The following RGS6 variants were observed in gnomAD, a reference collection of about 807,000 sequenced individuals.
The protein encoded by RGS6 is regulator of G protein signaling 6.
In RGS6, 30 loss-of-function variants were observed where a neutral mutation model predicts 78.5. The ratio of observed to expected loss-of-function variants is 0.38; its 90% CI spans 0.29 to 0.52. The LOEUF (loss-of-function observed/expected upper bound fraction) is 0.52, where lower values mean the gene tolerates loss of function less well. Ranked by LOEUF, RGS6 falls within the 20% of genes least tolerant of loss-of-function variation. The pLI, the probability that RGS6 is intolerant of heterozygous loss-of-function variation, is 0.85. For missense variants in RGS6, 495 were observed against 609.7 expected (o/e 0.81, Z 1.98); for synonymous variants, 206 against 206.0 (o/e 1.00, Z 0.00).
chr14:71,907,406 G>T, the RGS6 span, among the ~76,000 whole-genome samples: 204 of 152,254 alleles, frequency 1.3e-3, no homozygotes, highest in African/African-American at 4.2e-3. Context: ...CTGAGGCCCT[G>T]TGGGGCTGGG....
At chr14:72,239,408 T>C (rs1344456106) in intron 2 of RGS6, among the ~76,000 whole-genome samples, 1 of 152,216 alleles carries the variant, frequency 6.6e-6, no homozygotes, top group Non-Finnish European at 1.5e-5. Flanking sequence ...AACACTTTAA[T>C]GTTAACAGAT....
intron 2 of RGS6, among the ~76,000 whole-genome samples, chr14:72,196,177 T>C (rs149106008): frequency 8.5e-5 from 13 of 152,184 alleles, no homozygotes; most frequent in African/African-American, 2.9e-4. Context: ...CTCTGGTACG[T>C]GATTGTGGGA....
In RGS6 at chr14:72,518,245, A is replaced by C. The variant is rs2096980176; in HGVS notation, c.1092-106A>C. On this transcript the variant is annotated intron_variant, in intron 14 of 17. Coordinates refer to ENST00000553525, the MANE Select transcript of RGS6 (RefSeq NM_001204424.2). ...TGTAGTGGCATCAGGGCAGGCTGAG[A>C]GATGCAGCAGAATGGGTTTCATGGG... 9 of 1,042,740 alleles carry C rather than the reference A, an allele frequency of 8.6e-6. No individual in the cohort carries two copies. In the South Asian group the frequency reaches 1.4e-4, roughly 17 times the overall value. The allele number at this position is 1,042,740 out of a possible 1,614,324, so 64.6% of individuals were successfully genotyped here.
intron 3 of RGS6, among the ~76,000 whole-genome samples, chr14:72,385,864 A>G (rs1221339782): frequency 6.6e-6 from 1 of 152,216 alleles, no homozygotes; most frequent in African/African-American, 2.4e-5. Context: ...GCCCAAATCT[A>G]GTTGCAATCT....
intron 3 of RGS6, among the ~76,000 whole-genome samples, chr14:72,384,211 C>G (rs2087139535): frequency 6.6e-6 from 1 of 152,118 alleles, no homozygotes; most frequent in Non-Finnish European, 1.5e-5. Flanking sequence ...GATGAAAAAA[C>G]AGAACGTAAG....
intron 2 of RGS6, among the ~76,000 whole-genome samples, chr14:72,111,771 T>C (rs2095768617): frequency 6.6e-6 from 1 of 152,102 alleles, no homozygotes; most frequent in Non-Finnish European, 1.5e-5. Context: ...AAGCTTCAAA[T>C]GGCCATTCAG....
intron 1 of RGS6, among the ~76,000 whole-genome samples, chr14:71,949,124 A>G (rs967113636): frequency 3.3e-5 from 5 of 152,088 alleles, no homozygotes; most frequent in African/African-American, 1.2e-4. Context: ...GCTGCTATGA[A>G]TATTTTTGTA....
intron 2 of RGS6, among the ~76,000 whole-genome samples, chr14:72,194,109 T>C (rs759130121): frequency 6.6e-6 from 1 of 151,866 alleles, no homozygotes; most frequent in Non-Finnish European, 1.5e-5. Flanking sequence ...GGTGACTGGA[T>C]TGGGGTGTTG....
chr14:71,902,451 C>T, the RGS6 span, among the ~76,000 whole-genome samples: 2 of 152,070 alleles, frequency 1.3e-5, no homozygotes, highest in African/African-American at 4.8e-5. Context: ...ATCAAAGGGG[C>T]CTTTGAGTGT....
chr14:72,293,159 T>A (rs1162758036), intron 2 of RGS6, among the ~76,000 whole-genome samples: 1 of 152,236 alleles, frequency 6.6e-6, no homozygotes, highest in Non-Finnish European at 1.5e-5. Flanking sequence ...CTGCGTCCAG[T>A]TATATCCAAG....
intron 1 of RGS6, among the ~76,000 whole-genome samples, chr14:71,943,789 ATAG>A (rs1323061010): frequency 6.6e-6 from 1 of 152,206 alleles, no homozygotes; most frequent in Non-Finnish European, 1.5e-5. Flanking sequence ...TGCTTGGCAC[ATAG>A]TAGGAGTTTG....
intron 2 of RGS6, among the ~76,000 whole-genome samples, chr14:72,339,561 G>C (rs1041282032): frequency 6.6e-6 from 1 of 152,128 alleles, no homozygotes; most frequent in Non-Finnish European, 1.5e-5. Context: ...GGGGTGCCTG[G>C]TCATGCTGCC....
chr14:72,531,951 G>C (rs1210716411), intron 15 of RGS6, among the ~76,000 whole-genome samples: 1 of 152,124 alleles, frequency 6.6e-6, no homozygotes, highest in East Asian at 1.9e-4. Context: ...TGTCTTCCCA[G>C]TCCTTCTCAC....
intron 2 of RGS6, among the ~76,000 whole-genome samples, chr14:72,117,024 C>T (rs2095908276): frequency 6.7e-6 from 1 of 148,536 alleles, no homozygotes; most frequent in Non-Finnish European, 1.5e-5. Flanking sequence ...TACATGACTA[C>T]CAAGGTGGTT....
rs765613490 is a variant in RGS6 at position 72,163,537 on chromosome 14, G to A, written c.85-188558G>A. Among the ~76,000 whole-genome samples the A allele has an allele frequency of 9.2e-5, 14 of 152,308 alleles. No homozygotes were observed. The South Asian group carries it at 1.0e-3, about 11-fold the overall frequency. Reference sequence around the variant, plus strand: ...CATAAATAGCAACACTTAGCAGACCGGAAAACATGGGGGAAAACCCAGACA... The same window carrying A: ...CATAAATAGCAACACTTAGCAGACCAGAAAACATGGGGGAAAACCCAGACA... On this transcript the variant is annotated intron_variant, in intron 2 of 17. Transcript: ENST00000553525.
At chr14:72,452,329 G>A (rs1185667405) in intron 3 of RGS6, among the ~76,000 whole-genome samples, 1 of 152,134 alleles carries the variant, frequency 6.6e-6, no homozygotes, top group Non-Finnish European at 1.5e-5. Context: ...TAGCAAGAGT[G>A]AGGAGAAGCC....
At chr14:72,358,042 G>A (rs1311458184) in intron 3 of RGS6, among the ~76,000 whole-genome samples, 1 of 152,170 alleles carries the variant, frequency 6.6e-6, no homozygotes, top group East Asian at 1.9e-4. Context: ...GTACAGCTCG[G>A]GCCATGGCTT....
chr14:71,936,149 G>A (rs1000030540), intron 1 of RGS6, among the ~76,000 whole-genome samples: 1 of 150,610 alleles, frequency 6.6e-6, no homozygotes, highest in Non-Finnish European at 1.5e-5. Context: ...AGTTTATTAA[G>A]TATTAACTTA....
At chr14:71,996,172 G>A (rs1213583125) in intron 2 of RGS6, among the ~76,000 whole-genome samples, 1 of 131,944 alleles carries the variant, frequency 7.6e-6, no homozygotes, top group African/African-American at 2.7e-5. Flanking sequence ...TTTTTTTTGT[G>A]ATTTGGGACA....
Sources: allele counts gnomAD v4.1 joint callset (sites outside exome capture counted in the v4.1 genomes callset), GRCh38; gene constraint gnomAD v4.1.1; transcripts MANE v1.5; gene names NCBI Gene and HGNC (gene_info 2026-07-23, HGNC 2026-07-21).